Variants in RAB38 observed in about 807,000 individuals in gnomAD.
RAB38 encodes the protein ras-related protein Rab-38.
RAB38 carries 15 observed loss-of-function variants against 18.4 expected under a neutral mutation model. The ratio of observed to expected loss-of-function variants is 0.82; its 90% CI spans 0.55 to 1.26. RAB38 has a LOEUF of 1.26. RAB38 is among the 50% of genes most tolerant of loss of function. RAB38 has a pLI of 0.00. For missense variants in RAB38, 294 were observed against 267.4 expected (o/e 1.10, Z -0.69); for synonymous variants, 101 against 104.4 (o/e 0.97, Z 0.20).
intron 1 of RAB38, among the ~76,000 whole-genome samples, chr11:88,159,705 G>A (rs1482166685): frequency 6.6e-6 from 1 of 151,924 alleles, no homozygotes; most frequent in Non-Finnish European, 1.5e-5. Context: ...CTTTAACAAA[G>A]ATGACAAAAC....
the RAB38 span, among the ~76,000 whole-genome samples, chr11:87,944,532 T>G: frequency 6.6e-6 from 1 of 152,126 alleles, no homozygotes; most frequent in Non-Finnish European, 1.5e-5. Flanking sequence ...AGGTTCTCTG[T>G]GCCTACTCTT....
chr11:88,020,630 C>T, the RAB38 span, among the ~76,000 whole-genome samples: 1 of 152,154 alleles, frequency 6.6e-6, no homozygotes, highest in Non-Finnish European at 1.5e-5. Context: ...AACATTTCAT[C>T]CAATGGCTGC....
chr11:88,027,252 C>G, the RAB38 span, among the ~76,000 whole-genome samples: 1 of 151,918 alleles, frequency 6.6e-6, no homozygotes, highest in African/African-American at 2.4e-5. Flanking sequence ...CTCAAAATGG[C>G]TGAATAGGAA....
At chr11:87,879,706 T>G in the RAB38 span, 1 of 151,730 alleles carries the variant, frequency 6.6e-6, no homozygotes, top group Non-Finnish European at 1.5e-5. Context: ...AGTTCTTGTT[T>G]TAGTAACTTT....
the RAB38 span, among the ~76,000 whole-genome samples, chr11:87,965,502 CAAGAG>C: frequency 6.6e-6 from 1 of 152,108 alleles, no homozygotes; most frequent in African/African-American, 2.4e-5. Context: ...ACTTTTCCCT[CAAGAG>C]AAAACTGCTC....
chr11:87,973,183 G>A, the RAB38 span, among the ~76,000 whole-genome samples: 1 of 152,126 alleles, frequency 6.6e-6, no homozygotes, highest in Non-Finnish European at 1.5e-5. Context: ...AGGAAAGAAA[G>A]AAAATGTAGG....
chr11:88,071,891 C>G, the RAB38 span, among the ~76,000 whole-genome samples: 1 of 152,150 alleles, frequency 6.6e-6, no homozygotes, highest in Non-Finnish European at 1.5e-5. Flanking sequence ...ACTAATGGTA[C>G]CAACAAAACA....
the RAB38 span, among the ~76,000 whole-genome samples, chr11:87,878,264 A>G: frequency 0.045 from 4,330 of 96,574 alleles, 485 homozygotes; most frequent in African/African-American, 0.16. Flanking sequence ...CTATCTATCT[A>G]TCTATCTATC....
the RAB38 span, among the ~76,000 whole-genome samples, chr11:87,955,177 A>G: frequency 9.5e-6 from 1 of 105,042 alleles, no homozygotes; most frequent in South Asian, 4.9e-4. Flanking sequence ...ACTCTTCCAC[A>G]TTGGTGCACT....
the RAB38 span, among the ~76,000 whole-genome samples, chr11:88,084,865 C>T: frequency 2.6e-5 from 4 of 151,784 alleles, no homozygotes; most frequent in Non-Finnish European, 5.9e-5. Context: ...TGAATGTTTG[C>T]TGAATAAAGT....
At chr11:87,904,434 A>G in the RAB38 span, among the ~76,000 whole-genome samples, 1 of 151,706 alleles carries the variant, frequency 6.6e-6, no homozygotes, top group Non-Finnish European at 1.5e-5. Flanking sequence ...TTATTTTTTA[A>G]TGGCTGCATA....
the RAB38 span, among the ~76,000 whole-genome samples, chr11:87,814,083 A>G: frequency 2.6e-5 from 4 of 152,174 alleles, no homozygotes; most frequent in Non-Finnish European, 4.4e-5. Context: ...AGACCCATCT[A>G]GACATTTTCA....
the RAB38 span, among the ~76,000 whole-genome samples, chr11:88,069,137 C>G: frequency 6.6e-6 from 1 of 152,192 alleles, no homozygotes; most frequent in Non-Finnish European, 1.5e-5. Context: ...TGGGCCCACA[C>G]TTGGAATGGC....
At chr11:87,976,378 C>A in the RAB38 span, among the ~76,000 whole-genome samples, 19 of 136,850 alleles carry the variant, frequency 1.4e-4, no homozygotes, top group African/African-American at 4.3e-4. Flanking sequence ...TATACAAATA[C>A]AAATATTTAT....
At chr11:87,949,380 T>C in the RAB38 span, among the ~76,000 whole-genome samples, 3 of 152,354 alleles carry the variant, frequency 2.0e-5, no homozygotes, top group South Asian at 6.2e-4. Flanking sequence ...TTTTTGTGTC[T>C]CTATTTCCTT....
chr11:88,049,088 C>A, the RAB38 span, among the ~76,000 whole-genome samples: 6 of 152,140 alleles, frequency 3.9e-5, no homozygotes, highest in Admixed American at 6.5e-5. Context: ...TCTAGGTTCC[C>A]ACGCCGCCCC....
chr11:88,019,034 T>C, the RAB38 span, among the ~76,000 whole-genome samples: 1 of 152,168 alleles, frequency 6.6e-6, no homozygotes, highest in East Asian at 1.9e-4. Flanking sequence ...TTCTATTTTC[T>C]TTGATGAATT....
the RAB38 span, among the ~76,000 whole-genome samples, chr11:88,025,302 T>G: frequency 6.6e-6 from 1 of 151,504 alleles, no homozygotes; most frequent in Non-Finnish European, 1.5e-5. Flanking sequence ...CTAGCTTGAT[T>G]ACATGTCTTT....
the RAB38 span, among the ~76,000 whole-genome samples, chr11:87,899,378 G>A: frequency 2.0e-5 from 3 of 151,586 alleles, no homozygotes; most frequent in African/African-American, 7.3e-5. Flanking sequence ...AAGTGATTTT[G>A]GCAAAAACTT....
Sources: allele counts gnomAD v4.1 joint callset (sites outside exome capture counted in the v4.1 genomes callset), GRCh38; gene constraint gnomAD v4.1.1; transcripts MANE v1.5; gene names NCBI Gene and HGNC (gene_info 2026-07-23, HGNC 2026-07-21).